The following GRIA1 variants were observed in gnomAD, a reference collection of about 807,000 sequenced individuals.
The protein encoded by GRIA1 is glutamate receptor 1.
Under a neutral mutation model 99.2 loss-of-function variants are expected in GRIA1, and 31 were observed. The ratio of observed to expected loss-of-function variants is 0.31; its 90% CI spans 0.23 to 0.42. GRIA1 has a LOEUF of 0.42. GRIA1 is among the 10% of genes least tolerant of loss of function. GRIA1 has a pLI of 1.00. For missense variants in GRIA1, 782 were observed against 1,157.5 expected (o/e 0.68, Z 4.71); for synonymous variants, 438 against 432.4 (o/e 1.01, Z -0.16).
intron 2 of GRIA1, among the ~76,000 whole-genome samples, chr5:153,604,998 C>T (rs1765322426): frequency 6.6e-6 from 1 of 152,016 alleles, no homozygotes; most frequent in South Asian, 2.1e-4. Context: ...ACCAGCCTGA[C>T]CAACACGGCA....
intron 13 of GRIA1, among the ~76,000 whole-genome samples, chr5:153,781,222 A>G (rs1224727053): frequency 2.0e-5 from 3 of 152,148 alleles, no homozygotes; most frequent in African/African-American, 7.2e-5. Flanking sequence ...TCCCCAAACA[A>G]AGAAAATCAG....
intron 12 of GRIA1, 35 bp from the exon 13 acceptor site, chr5:153,770,133 G>C (rs752659460): frequency 3.7e-6 from 6 of 1,607,534 alleles, no homozygotes; most frequent in Admixed American, 1.7e-5. Context: ...AATTCCAAGC[G>C]CACTTAATTC....
intron 4 of GRIA1, among the ~76,000 whole-genome samples, chr5:153,652,386 C>A (rs937260025): frequency 3.3e-5 from 5 of 152,192 alleles, no homozygotes; most frequent in African/African-American, 9.6e-5. Flanking sequence ...CCTTCCCATG[C>A]ATAATCCTAC....
At chr5:153,681,670 C>A (rs918277511) in intron 7 of GRIA1, among the ~76,000 whole-genome samples, 1 of 152,088 alleles carries the variant, frequency 6.6e-6, no homozygotes, top group Non-Finnish European at 1.5e-5. Flanking sequence ...TTCCTGTCTG[C>A]TAAACAGACA....
chr5:153,785,035 C>T (rs1764886036), intron 13 of GRIA1, among the ~76,000 whole-genome samples: 1 of 152,152 alleles, frequency 6.6e-6, no homozygotes, highest in Non-Finnish European at 1.5e-5. Context: ...GAGAAGGTTT[C>T]TCTGTCATCC....
intron 2 of GRIA1, among the ~76,000 whole-genome samples, chr5:153,544,039 G>A (rs919641676): frequency 6.6e-6 from 1 of 152,154 alleles, no homozygotes; most frequent in Admixed American, 6.5e-5. Flanking sequence ...TGATATCTGA[G>A]CAGGGCCTGA....
At chr5:153,701,980 C>T (rs1307614729) in intron 10 of GRIA1, among the ~76,000 whole-genome samples, 1 of 152,140 alleles carries the variant, frequency 6.6e-6, no homozygotes, top group East Asian at 1.9e-4. Flanking sequence ...CTCTGCATAT[C>T]GACTTCATGA....
At chr5:153,598,859 G>A (rs1764645552) in intron 2 of GRIA1, among the ~76,000 whole-genome samples, 1 of 151,874 alleles carries the variant, frequency 6.6e-6, no homozygotes, top group Non-Finnish European at 1.5e-5. Flanking sequence ...CGTGGAGTGG[G>A]GCTATTTTGT....
In GRIA1 at chr5:153,590,692, A is replaced by T. The variant is rs149444562; in HGVS notation, c.221-56236A>T. On this transcript the variant is annotated intron_variant, in intron 2 of 15. Transcript: ENST00000285900. ...ACTTTACACCTATATTTTCCTAAAA[A>T]AAAATTTGTGAAACAAGGGCATCCT... Among the ~76,000 whole-genome samples, 82 of 152,318 alleles carry T rather than the reference A, an allele frequency of 5.4e-4. No individual in the cohort carries two copies. In the East Asian group the frequency reaches 0.015, roughly 28 times the overall value.
At chr5:153,804,095 C>T (rs1323450870) in intron 15 of GRIA1, among the ~76,000 whole-genome samples, 1 of 152,150 alleles carries the variant, frequency 6.6e-6, no homozygotes, top group African/African-American at 2.4e-5. Context: ...GATCCCTCAC[C>T]CTGTCTTCTG....
chr5:153,706,717 C>A (rs919054621), intron 11 of GRIA1, among the ~76,000 whole-genome samples: 4 of 152,162 alleles, frequency 2.6e-5, no homozygotes, highest in Non-Finnish European at 4.4e-5. Context: ...AGAGAAAAAA[C>A]TTCTCCTTTT....
intron 13 of GRIA1, among the ~76,000 whole-genome samples, chr5:153,785,201 A>G (rs867387561): frequency 6.6e-6 from 1 of 152,124 alleles, no homozygotes; most frequent in African/African-American, 2.4e-5. Flanking sequence ...CTCAAGCCCC[A>G]TGGAAGGAAG....
intron 5 of GRIA1, among the ~76,000 whole-genome samples, chr5:153,661,444 G>A (rs574710367): frequency 2.0e-5 from 3 of 152,220 alleles, no homozygotes; most frequent in East Asian, 1.9e-4. Flanking sequence ...CAACGCTCTC[G>A]GAAATGAAAT....
chr5:153,588,372 T>C (rs1371900482), intron 2 of GRIA1, among the ~76,000 whole-genome samples: 1 of 152,194 alleles, frequency 6.6e-6, no homozygotes, highest in Non-Finnish European at 1.5e-5. Context: ...ATTACTCCTC[T>C]ACTCCAAAAA....
chr5:153,632,703 C>A (rs571569510), intron 2 of GRIA1, among the ~76,000 whole-genome samples: 122 of 152,294 alleles, frequency 8.0e-4, no homozygotes, highest in African/African-American at 2.9e-3. Context: ...GTTCAATAAA[C>A]CGTTATTGAA....
At chr5:153,503,142 A>C (rs2113254912) in intron 2 of GRIA1, among the ~76,000 whole-genome samples, 1 of 152,218 alleles carries the variant, frequency 6.6e-6, no homozygotes, top group South Asian at 2.1e-4. Context: ...TTTTTCTTAA[A>C]AACAGTGCTG....
At chr5:153,527,428 A>AGGGGCAGACATGT (rs1476191309) in intron 2 of GRIA1, among the ~76,000 whole-genome samples, 1 of 152,178 alleles carries the variant, frequency 6.6e-6, no homozygotes, top group African/African-American at 2.4e-5. Flanking sequence ...GGAGCTGACA[A>AGGGGCAGACATGT]GGGGCAGACA....
At chr5:153,541,043 CT>C (rs1759040410) in intron 2 of GRIA1, among the ~76,000 whole-genome samples, 1 of 152,200 alleles carries the variant, frequency 6.6e-6, no homozygotes, top group South Asian at 2.1e-4. Context: ...TCTCTTCAGC[CT>C]AACTGCAATA....
In GRIA1 at chr5:153,812,143, G is replaced by A. The variant is rs1766857942; in HGVS notation, c.*918G>A. 1 of 151,992 alleles carries A rather than the reference G, an allele frequency of 6.6e-6. No homozygotes were observed. Among genetic ancestry groups the A allele is most frequent in the Non-Finnish European group, 1.5e-5 (1 of 68,054 alleles). The allele number at this position is 151,992 out of a possible 1,614,324, so 9.4% of individuals were successfully genotyped here. A position where few individuals can be genotyped will look rare whatever the true frequency, so the allele number is the denominator to read the frequency against. On this transcript the variant is annotated 3_prime_UTR_variant, in exon 16 of 16. Coordinates refer to ENST00000285900, the MANE Select transcript of GRIA1 (RefSeq NM_000827.4). The stretch of plus-strand genomic sequence containing the variant: ...GAAGGCACTTGGCCTCCTAAACCAA[G>A]CAGAATTTTGGGAAGAGATAACAGC...
Sources: allele counts gnomAD v4.1 joint callset (sites outside exome capture counted in the v4.1 genomes callset), GRCh38; gene constraint gnomAD v4.1.1; transcripts MANE v1.5; gene names NCBI Gene and HGNC (gene_info 2026-07-23, HGNC 2026-07-21).